PCDH15: variants seen among roughly 807,000 people sequenced by gnomAD.
PCDH15 encodes protocadherin related 15, also known as protocadherin-15.
In PCDH15, 129 loss-of-function variants were observed where a neutral mutation model predicts 178.5. The observed-to-expected ratio is 0.72, with a 90% CI of 0.63 to 0.84. The LOEUF (loss-of-function observed/expected upper bound fraction) is 0.84, where lower values mean the gene tolerates loss of function less well. Ranked by LOEUF, PCDH15 falls within the 40% of genes least tolerant of loss-of-function variation. The pLI is 0.00. For missense variants in PCDH15, 2,230 were observed against 2,099.9 expected (o/e 1.06, Z -1.21); for synonymous variants, 800 against 732.0 (o/e 1.09, Z -1.50).
intron 23 of PCDH15, among the ~76,000 whole-genome samples, chr10:53,945,360 A>G (rs1407470886): frequency 6.6e-6 from 1 of 152,152 alleles, no homozygotes; most frequent in African/African-American, 2.4e-5. Context: ...AAATACGTAT[A>G]CACTGTAGAA....
chr10:54,008,725 T>A (rs1329583300), intron 20 of PCDH15, among the ~76,000 whole-genome samples: 1 of 152,176 alleles, frequency 6.6e-6, no homozygotes, highest in Non-Finnish European at 1.5e-5. Flanking sequence ...AAGTCTTTTT[T>A]TTCTCTTCTT....
At chr10:54,250,836 A>G (rs1352709748) in intron 8 of PCDH15, among the ~76,000 whole-genome samples, 3 of 152,040 alleles carry the variant, frequency 2.0e-5, no homozygotes, top group Admixed American at 6.6e-5. Context: ...CCACTTCCCA[A>G]TCTCTCTCTC....
intron 2 of PCDH15, among the ~76,000 whole-genome samples, chr10:54,603,458 G>A (rs543303633): frequency 1.3e-5 from 2 of 149,198 alleles, no homozygotes; most frequent in African/African-American, 4.9e-5. Flanking sequence ...TCTTTGGCTA[G>A]TTATTTTTTT....
intron 25 of PCDH15, among the ~76,000 whole-genome samples, chr10:53,916,534 G>GA (rs895066466): frequency 2.0e-5 from 3 of 152,058 alleles, no homozygotes; most frequent in Admixed American, 6.5e-5. Flanking sequence ...GTTTCTGTGA[G>GA]AAAAAAAGAC....
intron 1 of PCDH15, among the ~76,000 whole-genome samples, chr10:54,712,061 G>A (rs1360657293): frequency 6.6e-6 from 1 of 151,816 alleles, no homozygotes; most frequent in Non-Finnish European, 1.5e-5. Context: ...TATATACGTA[G>A]TAGTGTAATT....
chr10:55,578,515 G>C (rs114807267), intron 2 of PCDH15, among the ~76,000 whole-genome samples: 3,237 of 152,134 alleles, frequency 0.021, 121 homozygotes, highest in African/African-American at 0.074. Flanking sequence ...CACTGCGCCC[G>C]GCCTGAAACA....
chr10:54,706,820 A>G (rs1170157417), intron 1 of PCDH15, among the ~76,000 whole-genome samples: 3 of 152,036 alleles, frequency 2.0e-5, no homozygotes, highest in African/African-American at 7.2e-5. Flanking sequence ...GACGGGTTTC[A>G]CCATGTGGGC....
In PCDH15 at chr10:55,614,090, G is replaced by A. The variant is rs370852547; in HGVS notation, c.-156+13535C>T. 1.2e-4 allele frequency among the ~76,000 whole-genome samples: 18 copies of A among 149,420 alleles called. No homozygotes were observed. In the South Asian group the frequency reaches 3.5e-3, roughly 29 times the overall value. ...GATCGTGCCACTGCAATCCAGCCCGGGCAACAGAGCCAGACTCCATCTCAA... is the reference window on the plus strand; with the variant it reads ...GATCGTGCCACTGCAATCCAGCCCGAGCAACAGAGCCAGACTCCATCTCAA... On this transcript the variant is annotated intron_variant, in intron 2 of 5. Coordinates refer to the PCDH15 transcript ENST00000613346.
At chr10:53,914,228 T>A (rs551952785) in intron 25 of PCDH15, among the ~76,000 whole-genome samples, 5 of 152,288 alleles carry the variant, frequency 3.3e-5, no homozygotes, top group Non-Finnish European at 5.9e-5. Flanking sequence ...GATCTAGAGC[T>A]AGAAATACCA....
At chr10:55,057,241 C>G (rs746614291) in intron 2 of PCDH15, among the ~76,000 whole-genome samples, 1 of 152,054 alleles carries the variant, frequency 6.6e-6, no homozygotes, top group East Asian at 1.9e-4. Flanking sequence ...TCAGCTACTT[C>G]TTTCCTTTAG....
chr10:54,429,991 T>C (rs925728134), intron 3 of PCDH15, among the ~76,000 whole-genome samples: 1 of 151,148 alleles, frequency 6.6e-6, no homozygotes, highest in Non-Finnish European at 1.5e-5. Flanking sequence ...AAGGATCTAA[T>C]AGATATTTAC....
chr10:54,759,070 C>T (rs1947531574), intron 1 of PCDH15, among the ~76,000 whole-genome samples: 1 of 148,442 alleles, frequency 6.7e-6, no homozygotes, highest in African/African-American at 2.6e-5. Context: ...TCTCTGCCTT[C>T]CCTCCCCCTC....
intron 2 of PCDH15, among the ~76,000 whole-genome samples, chr10:55,117,167 G>C (rs1364662373): frequency 6.6e-6 from 1 of 152,074 alleles, no homozygotes; most frequent in Non-Finnish European, 1.5e-5. Flanking sequence ...TTTTGTCACA[G>C]GTGTCTTAGC....
In PCDH15 at chr10:54,720,577, A is replaced by T. The variant is rs183001678; in HGVS notation, c.-28-56287T>A. 8.9e-4 allele frequency among the ~76,000 whole-genome samples: 135 copies of T among 152,214 alleles called. 1 individual carries two copies. The highest frequency in any genetic ancestry group is 6.8e-3 in the Middle Eastern group (2 of 294). ...GCCAAATGAAGATTCACAAATGAAG[A>T]TGAAATAGTCTTTCCAAGACAAACG... On this transcript the variant is annotated intron_variant, in intron 1 of 37. Transcript: ENST00000644397.
intron 2 of PCDH15, among the ~76,000 whole-genome samples, chr10:54,545,418 A>G (rs1480224469): frequency 6.6e-6 from 1 of 152,172 alleles, no homozygotes; most frequent in Non-Finnish European, 1.5e-5. Context: ...ATTAAAATAA[A>G]GTAATATTTT....
chr10:55,074,718 G>A (rs753469370), intron 2 of PCDH15, among the ~76,000 whole-genome samples: 9 of 152,028 alleles, frequency 5.9e-5, no homozygotes, highest in Non-Finnish European at 1.2e-4. Flanking sequence ...TCTTTAGTTT[G>A]ATTAGATCAC....
intron 3 of PCDH15, among the ~76,000 whole-genome samples, chr10:54,394,373 A>C (rs1292044909): frequency 6.6e-6 from 1 of 152,160 alleles, no homozygotes; most frequent in Non-Finnish European, 1.5e-5. Flanking sequence ...GACAGAGTAC[A>C]AAAGAGAAAA....
At chr10:55,368,256 C>G (rs1355125186) in intron 2 of PCDH15, among the ~76,000 whole-genome samples, 3 of 152,082 alleles carry the variant, frequency 2.0e-5, no homozygotes, top group African/African-American at 7.2e-5. Context: ...TCAGTGTACA[C>G]ATAACATCAT....
chr10:54,615,466 T>A (rs1404406946), intron 2 of PCDH15, among the ~76,000 whole-genome samples: 1 of 152,070 alleles, frequency 6.6e-6, no homozygotes, highest in East Asian at 1.9e-4. Context: ...TCCAAGAAAA[T>A]AATAAATGGA....
Sources: allele counts gnomAD v4.1 joint callset (sites outside exome capture counted in the v4.1 genomes callset), GRCh38; gene constraint gnomAD v4.1.1; transcripts MANE v1.5; gene names NCBI Gene and HGNC (gene_info 2026-07-23, HGNC 2026-07-21).